CACNA2D2: variants seen among roughly 807,000 people sequenced by gnomAD.
CACNA2D2 encodes voltage-dependent calcium channel subunit alpha-2/delta-2.
Under a neutral mutation model 166.4 loss-of-function variants are expected in CACNA2D2, and 48 were observed. The observed-to-expected ratio is 0.29, with a 90% CI of 0.23 to 0.37. The LOEUF (loss-of-function observed/expected upper bound fraction) is 0.37. Among genes scored for constraint, CACNA2D2 ranks in the 10% least tolerant of loss-of-function variants. The pLI is 1.00. For synonymous variants in CACNA2D2, 561 were observed against 573.7 expected, an observed-to-expected ratio of 0.98 and a Z score of 0.32; for missense variants, 1,122 against 1,433.0, an observed-to-expected ratio of 0.78 and a Z score of 3.50.
At chr3:50,482,810 T>TG (rs1334596227) in intron 1 of CACNA2D2, among the ~76,000 whole-genome samples, 1 of 152,218 alleles carries the variant, frequency 6.6e-6, no homozygotes, top group Non-Finnish European at 1.5e-5. Context: ...GGGTTTCCTG[T>TG]GACCAGACCT....
At chr3:50,425,181 C>T (rs1291399857) in intron 3 of CACNA2D2, among the ~76,000 whole-genome samples, 3 of 152,158 alleles carry the variant, frequency 2.0e-5, no homozygotes, top group Admixed American at 2.0e-4. Context: ...ACACCCTCTC[C>T]CCTGCAGTGG....
intron 2 of CACNA2D2, among the ~76,000 whole-genome samples, chr3:50,452,072 C>T (rs577738892): frequency 3.9e-5 from 6 of 152,166 alleles, no homozygotes; most frequent in Admixed American, 1.3e-4. Context: ...TCCTCTCATC[C>T]GAGTCCCTCC....
intron 3 of CACNA2D2, among the ~76,000 whole-genome samples, chr3:50,394,887 G>A (rs1453773981): frequency 1.3e-5 from 2 of 152,234 alleles, no homozygotes; most frequent in African/African-American, 4.8e-5. Flanking sequence ...GCACAACCTC[G>A]CAGAACCACC....
intron 6 of CACNA2D2, among the ~76,000 whole-genome samples, chr3:50,382,378 A>C (rs1180216064): frequency 1.3e-5 from 2 of 152,326 alleles, no homozygotes; most frequent in South Asian, 2.1e-4. Flanking sequence ...AAAGGTAGAA[A>C]GCATGATTTA....
At chr3:50,464,261 T>C (rs1709722053) in intron 2 of CACNA2D2, among the ~76,000 whole-genome samples, 1 of 152,250 alleles carries the variant, frequency 6.6e-6, no homozygotes, top group South Asian at 2.1e-4. Flanking sequence ...CTCCAGGATC[T>C]GTGGAGGAGG....
intron 1 of CACNA2D2, among the ~76,000 whole-genome samples, chr3:50,484,890 G>A (rs551300598): frequency 2.3e-4 from 35 of 152,228 alleles, no homozygotes; most frequent in Non-Finnish European, 4.4e-4. Context: ...GTGTGTGGCC[G>A]GCCATGGGGT....
chr3:50,367,885 G>A lies in CACNA2D2; in HGVS notation c.2161C>T (p.His721Tyr), dbSNP rs767823174. Residue 721 changes from histidine (H) to tyrosine (Y), a missense_variant, in exon 25 of 38, where the codon CAC becomes TAC. Physicochemically the swap from His to Tyr is moderately conservative, Grantham distance 83 (BLOSUM62 2). Around this residue, in one of 2 missense-constraint regions of CACNA2D2, gnomAD observed 840 missense variants for 1,166.8 expected, o/e 0.72. Coordinates refer to ENST00000424201, the MANE Select transcript of CACNA2D2 (RefSeq NM_006030.4). The surrounding 1 kb of genome is among the most constrained non-coding windows in gnomAD (Gnocchi z 6.5). ...ATGCCCGTGTCCAAGATCAGGTTGT[G>A]CAGAAGGAAGTTGTTGCCTGGAACA... ...DSKQCNNFLLHNLILDTGITQ... is the reference protein window; with the variant it reads ...DSKQCNNFLLYNLILDTGITQ... The A allele has an allele frequency of 2.1e-6, 3 of 1,446,178 alleles. No individual in the cohort carries two copies. The highest frequency in any genetic ancestry group is 1.8e-5 in the Admixed American group (1 of 55,366). 89.6% of individuals were successfully genotyped at this position (1,446,178 alleles called of 1,614,324 possible).
chr3:50,452,189 G>T (rs1709132062), intron 2 of CACNA2D2, among the ~76,000 whole-genome samples: 1 of 152,200 alleles, frequency 6.6e-6, no homozygotes, highest in South Asian at 2.1e-4. Context: ...CAGCTCTGAT[G>T]GGCCAGCCCA....
Position 50,363,146 on chromosome 3 carries a change from T to G in CACNA2D2, c.*1520A>C, listed in dbSNP as rs587639867. ...TATTTTTCTGTATATGTTTATATTC[T>G]CCATTGAGCACCTGACTACACTACA... On this transcript the variant is annotated 3_prime_UTR_variant, in exon 38 of 38. Transcript: ENST00000424201. The G allele has an allele frequency of 1.5e-5, 6 of 398,744 alleles. No individual in the cohort carries two copies. Among genetic ancestry groups the G allele is most frequent in the Non-Finnish European group, 2.7e-5 (6 of 226,070 alleles). The allele number at this position is 398,744 out of a possible 1,614,324, so 24.7% of individuals were successfully genotyped here.
rs185363085 is a variant in CACNA2D2 at position 50,377,546 on chromosome 3, G to A, written c.1552-5C>T. 9 of 1,613,192 alleles carry A rather than the reference G, an allele frequency of 5.6e-6. No homozygotes were observed. The East Asian group carries it at 1.8e-4, about 32-fold the overall frequency. On this transcript the variant is annotated splice_region_variant and splice_polypyrimidine_tract_variant and intron_variant, in intron 16 of 37. Coordinates refer to ENST00000424201, the MANE Select transcript of CACNA2D2 (RefSeq NM_006030.4). ...CACGCCCAGGATCAGCTGGTTCTGG[G>A]AGCAGAAGCATGGGGGGCTCCTCAG... is the stretch of plus-strand genomic sequence containing the variant.
rs1704132057 is a variant in CACNA2D2, at chr3:50,364,784, C to T, written c.3314G>A (p.Arg1105His). 1.2e-6 allele frequency: 2 copies of T among 1,601,860 alleles called. No individual in the cohort carries two copies. Among genetic ancestry groups the T allele is most frequent in the Non-Finnish European group, 1.7e-6 (2 of 1,174,756 alleles). Residue 1105 changes from arginine to histidine, a missense_variant, in exon 38 of 38, where the codon CGC becomes CAC. By Grantham distance (29) the Arg-to-His change is conservative. Coordinates refer to ENST00000424201, the MANE Select transcript of CACNA2D2 (RefSeq NM_006030.4). ...NATEDTSDCG[R>H]GASFPPSLGV... ...CAGCGACGGCGGGAAGGAGGCCCCG[C>T]GGCCACAGTCTGAGGTATCTTCCTG...
At chr3:50,490,764 C>G (rs1327455055) in intron 1 of CACNA2D2, among the ~76,000 whole-genome samples, 1 of 152,176 alleles carries the variant, frequency 6.6e-6, no homozygotes, top group African/African-American at 2.4e-5. Context: ...CCAAGGGCAA[C>G]CAGCCACTGC....
intron 2 of CACNA2D2, among the ~76,000 whole-genome samples, chr3:50,475,245 G>A (rs959241074): frequency 1.3e-5 from 2 of 152,088 alleles, no homozygotes; most frequent in Admixed American, 6.5e-5. Flanking sequence ...GAACACAGTG[G>A]GTATATAATC....
intron 1 of CACNA2D2, among the ~76,000 whole-genome samples, chr3:50,494,884 C>T (rs1053768207): frequency 2.0e-5 from 3 of 152,126 alleles, no homozygotes; most frequent in Admixed American, 6.5e-5. Flanking sequence ...CCATGTTGCC[C>T]AGGCTGATCT....
At position 50,462,132 on chromosome 3, in the gene CACNA2D2, C is replaced by T. The variant is rs552622532; in HGVS notation, c.288+13986G>A. On this transcript the variant is annotated intron_variant, in intron 2 of 37. Coordinates refer to ENST00000424201, the MANE Select transcript of CACNA2D2 (RefSeq NM_006030.4). Reference sequence around the variant, plus strand: ...GGCACAGTGGCTCACATCTGTAATTCCAGCACTTTGGGAGGCCGAGGCAGG... The same window carrying T: ...GGCACAGTGGCTCACATCTGTAATTTCAGCACTTTGGGAGGCCGAGGCAGG... Among the ~76,000 whole-genome samples, 19 of 152,234 alleles carry T rather than the reference C, an allele frequency of 1.2e-4. No individual in the cohort carries two copies. The South Asian group carries it at 2.7e-3, about 22-fold the overall frequency.
intron 3 of CACNA2D2, among the ~76,000 whole-genome samples, chr3:50,418,505 C>G (rs1707375184): frequency 6.6e-6 from 1 of 152,228 alleles, no homozygotes; most frequent in Non-Finnish European, 1.5e-5. Context: ...CACAGGCCCA[C>G]TCAACTCCTT....
rs1014476394 is a variant in CACNA2D2 at position 50,365,198 on chromosome 3, G to A, written c.3099-14C>T. ...GCGTGGAACAGCCTGCGGGCAGCCCGGAAAGGCGGGGCGTTGAGTTTGCCC... is the reference window on the plus strand; with the variant it reads ...GCGTGGAACAGCCTGCGGGCAGCCCAGAAAGGCGGGGCGTTGAGTTTGCCC... On this transcript the variant is annotated splice_polypyrimidine_tract_variant and intron_variant, in intron 35 of 37. Coordinates refer to ENST00000424201, the MANE Select transcript of CACNA2D2 (RefSeq NM_006030.4). This position sits in a 1 kb window ranked among gnomAD's most constrained non-coding sequence, Gnocchi z 4.5. 14 of 1,611,036 alleles carry A rather than the reference G, an allele frequency of 8.7e-6. No individual in the cohort carries two copies. Among genetic ancestry groups the A allele is most frequent in the African/African-American group, 2.7e-5 (2 of 74,838 alleles).
chr3:50,393,936 C>T (rs984520379), intron 4 of CACNA2D2, among the ~76,000 whole-genome samples, 173 bp downstream of exon 4: 4 of 152,128 alleles, frequency 2.6e-5, no homozygotes, highest in South Asian at 2.1e-4. Context: ...ACTGTGTGCC[C>T]AGCAGTGAGA....
intron 2 of CACNA2D2, among the ~76,000 whole-genome samples, chr3:50,475,393 C>A (rs1051813002): frequency 6.6e-6 from 1 of 152,172 alleles, no homozygotes; most frequent in African/African-American, 2.4e-5. Flanking sequence ...TGGCCCAAGC[C>A]CCCGGCAACA....
Sources: gnomAD v4.1 joint callset for allele counts (sites outside exome capture counted in the v4.1 genomes callset) on GRCh38, gnomAD v4.1.1 for gene constraint, gnomAD v4.1.1 regional missense constraint, Gnocchi (gnomAD v3.1) non-coding constraint, MANE v1.5 for transcripts, NCBI Gene and HGNC (gene_info 2026-07-23, HGNC 2026-07-21) for gene names.